MBD1: variants seen among roughly 807,000 people sequenced by gnomAD.
MBD1 encodes methyl-CpG binding domain protein 1.
A neutral mutation model predicts 82.6 loss-of-function variants in MBD1; 25 were observed. The observed-to-expected ratio is 0.30, with a 90% CI of 0.22 to 0.42. The LOEUF (loss-of-function observed/expected upper bound fraction) is 0.42. MBD1 is among the 10% of genes least tolerant of loss of function. The probability of loss-of-function intolerance (pLI) is 1.00; values close to 1 mark genes in which losing one functional copy is unlikely to be tolerated. For missense variants in MBD1, 627 were observed against 819.6 expected, an observed-to-expected ratio of 0.76 and a Z score of 2.87; for synonymous variants, 301 against 303.7, an observed-to-expected ratio of 0.99 and a Z score of 0.09.
At chr18:50,270,114 T>C (rs533416677) in intron 16 of MBD1, 4 of 1,598,344 alleles carry the variant, frequency 2.5e-6, no homozygotes, top group Non-Finnish European at 3.4e-6. Context: ...TATCAGTCTA[T>C]CCAGTCTTGA....
In MBD1 at chr18:50,268,901, G is replaced by T; in HGVS notation, c.*950C>A. ...TTTAAAATAGAACAGCTTAGAGATA[G>T]AAACTAAATTATTTCCAATTCCTAC... On this transcript the variant is annotated 3_prime_UTR_variant, in exon 17 of 17. Coordinates refer to ENST00000269468, the MANE Select transcript of MBD1 (RefSeq NM_015846.4). 1 of 984,164 alleles carries T rather than the reference G, an allele frequency of 1.0e-6. No individual in the cohort carries two copies. The highest frequency in any genetic ancestry group is 1.7e-5 in the African/African-American group (1 of 57,334). 61.0% of individuals were successfully genotyped at this position (984,164 alleles called of 1,614,324 possible).
downstream of MBD1, among the ~76,000 whole-genome samples, chr18:50,268,448 G>A (rs1450892349): frequency 1.3e-5 from 2 of 152,262 alleles, no homozygotes; most frequent in Non-Finnish European, 2.9e-5. Flanking sequence ...ACCACTATTT[G>A]AAGAGGGGGA....
At chr18:50,281,617 G>A (rs140915382), upstream of MBD1, 62 of 445,866 alleles carry the variant, frequency 1.4e-4, no homozygotes, top group East Asian at 1.2e-3. Context: ...TAATAGGGAG[G>A]CTCCCGCGCC....
At chr18:50,275,491 GT>G (rs2037473577) in intron 8 of MBD1, 108 bp downstream of exon 8, 2 of 1,600,636 alleles carry the variant, frequency 1.2e-6, no homozygotes, top group Admixed American at 3.5e-5. Context: ...CGAGCATAGG[GT>G]TAGGCAGAAA....
At chr18:50,267,718 G>T, downstream of MBD1, 2 of 1,202,280 alleles carry the variant, frequency 1.7e-6, no homozygotes, top group Non-Finnish European at 2.4e-6. Flanking sequence ...GTGGGGGTGA[G>T]CATAGAACAC....
At chr18:50,281,332 C>T in intron 1 of MBD1, 31 bp downstream of exon 1, 1 of 1,071,584 alleles carries the variant, frequency 9.3e-7, no homozygotes, top group Non-Finnish European at 1.4e-6. Context: ...CGCCTGAGCG[C>T]TCTCCACGTC....
At chr18:50,279,760 G>T in intron 2 of MBD1, 123 bp downstream of exon 2, 4 of 1,296,254 alleles carry the variant, frequency 3.1e-6, no homozygotes, top group South Asian at 1.3e-5. Flanking sequence ...CATAAAATCC[G>T]CTAATAAGGA....
downstream of MBD1, chr18:50,267,647 G>A: frequency 2.6e-6 from 4 of 1,536,088 alleles, no homozygotes; most frequent in Non-Finnish European, 3.5e-6. Context: ...TTCCAGTCAA[G>A]AGCAAGGTGG....
rs2034842720 is a variant in MBD1, at chr18:50,270,066, TG to T, written c.*33-249del. 5.6e-6 allele frequency: 9 copies of T among 1,597,564 alleles called. No individual in the cohort carries two copies. In the East Asian group the frequency reaches 2.0e-4, roughly 36 times the overall value. ...ATCATTGTCAAAATTACCAGAATACTGGGGTTGGGTGGTTGGTTCCTGGGGG... is the reference window on the plus strand; with the variant it reads ...ATCATTGTCAAAATTACCAGAATACTGGGTTGGGTGGTTGGTTCCTGGGGG... On this transcript the variant is annotated intron_variant, in intron 16 of 16. Coordinates refer to ENST00000269468, the MANE Select transcript of MBD1 (RefSeq NM_015846.4).
At chr18:50,278,736 G>A (rs1392914024) in intron 2 of MBD1, among the ~76,000 whole-genome samples, 3 of 152,220 alleles carry the variant, frequency 2.0e-5, no homozygotes, top group Admixed American at 2.0e-4. Flanking sequence ...AAGCTATCAT[G>A]AACATTGAAT....
chr18:50,276,705 G>A lies in MBD1; in HGVS notation c.432C>T (p.Gly144=). 2 of 1,614,222 alleles carry A rather than the reference G, an allele frequency of 1.2e-6. No homozygotes were observed. The highest frequency in any genetic ancestry group is 1.7e-6 in the Non-Finnish European group (2 of 1,180,042). The change falls in exon 5 of 17, where the codon GGC becomes GGT. Residue 144 remains glycine, a synonymous_variant. Coordinates refer to ENST00000269468, the MANE Select transcript of MBD1 (RefSeq NM_015846.4). ...ENCGISFSGD[G]TQRQRLKTLC... ...ACGTTTTGAGCCGCTGCCTTTGGGT[G>A]CCATCCCCTGAGAAGCTGATTCCAC...
In MBD1 at chr18:50,276,712, C is replaced by A; in HGVS notation, c.425G>T (p.Gly142Val). Residue 142 changes from glycine (G) to valine (V), a missense_variant, in exon 5 of 17, where the codon GGG becomes GTG. Coordinates refer to ENST00000269468, the MANE Select transcript of MBD1 (RefSeq NM_015846.4). ...CCENCGISFS[G>V]DGTQRQRLKT... ...GAGCCGCTGCCTTTGGGTGCCATCC[C>A]CTGAGAAGCTGATTCCACAGTTCTC... 2 of 1,614,186 alleles carry A rather than the reference C, an allele frequency of 1.2e-6. No homozygotes were observed. The highest frequency in any genetic ancestry group is 1.7e-6 in the Non-Finnish European group (2 of 1,180,050).
chr18:50,275,372 T>G, intron 8 of MBD1, 127 bp from the exon 9 acceptor site: 3 of 1,611,062 alleles, frequency 1.9e-6, no homozygotes, highest in Non-Finnish European at 2.5e-6. Flanking sequence ...GCACTCACAG[T>G]TGGGGGAGCC....
rs1275779904 is a variant in MBD1 at position 50,281,430 on chromosome 18, G to T, written c.-93C>A. ...TGGACCCATGGCGAGGGTCCCTCCT[G>T]CACCTCCCGCCTCGCCCTCCTCCCC... On this transcript the variant is annotated 5_prime_UTR_variant, in exon 1 of 17. Transcript: ENST00000269468. 5.0e-6 allele frequency: 3 copies of T among 600,358 alleles called. No homozygotes were observed. The allele number at this position is 600,358 out of a possible 1,614,324, so 37.2% of individuals were successfully genotyped here.
rs146452970 is a variant in MBD1, at chr18:50,281,294, T to G, written c.-26+69A>C. On this transcript the variant is annotated intron_variant, in intron 1 of 16. Transcript: ENST00000269468. Reference sequence around the variant, plus strand: ...GGCCCTTCATTCCTCCCCGTCAGCGTTCTGAGCCACAATTCCTTCCCATCC... The same window carrying G: ...GGCCCTTCATTCCTCCCCGTCAGCGGTCTGAGCCACAATTCCTTCCCATCC... 7.2e-3 allele frequency: 10,089 copies of G among 1,402,742 alleles called. 58 individuals carry two copies. Among genetic ancestry groups the G allele is most frequent in the Non-Finnish European group, 8.5e-3 (8,698 of 1,025,628 alleles). The allele number at this position is 1,402,742 out of a possible 1,614,324, so 86.9% of individuals were successfully genotyped here.
Position 50,273,759 on chromosome 18 carries a change from A to AAG in MBD1, c.1249_1250dup (p.Gly418LeufsTer5). The AAG allele has an allele frequency of 6.2e-7, 1 of 1,614,154 alleles. No homozygotes were observed. The highest frequency in any genetic ancestry group is 8.5e-7 in the Non-Finnish European group (1 of 1,180,044). On this transcript the variant is annotated frameshift_variant, in exon 12 of 17. Transcript: ENST00000269468. LOFTEE classifies it high-confidence loss of function. Reference sequence around the variant, plus strand: ...CCAAGGTGGGCTTCAAGGTAGGGCCAAGATGGTGCCGTCGGGCAGAGCTGG... The same window carrying AAG: ...CCAAGGTGGGCTTCAAGGTAGGGCCAAGAGATGGTGCCGTCGGGCAGAGCTGG...
chr18:50,280,398 A>G (rs1357561446), intron 1 of MBD1, among the ~76,000 whole-genome samples: 10 of 151,722 alleles, frequency 6.6e-5, no homozygotes, highest in African/African-American at 1.9e-4. Context: ...TATCACCCCA[A>G]GACCCCCATA....
chr18:50,277,979 C>T (rs1340093299), intron 2 of MBD1, among the ~76,000 whole-genome samples: 1 of 152,220 alleles, frequency 6.6e-6, no homozygotes, highest in Admixed American at 6.5e-5. Context: ...GTAATTCCCC[C>T]TCTCGTGCAG....
rs151335648 is a variant in MBD1, at chr18:50,272,759, T to C, written c.1717-21A>G. 808 of 1,614,076 alleles carry C rather than the reference T, an allele frequency of 5.0e-4. 13 individuals are homozygous for C. The East Asian group carries it at 0.017, about 33-fold the overall frequency. ...GTGATCTAGAGAAGAATTAACACCA[T>C]AGGTCAATGTGGTTGTTGGGGCTAC... On this transcript the variant is annotated intron_variant, in intron 14 of 16. Transcript: ENST00000269468.
Sources: gnomAD v4.1 joint callset for allele counts (sites outside exome capture counted in the v4.1 genomes callset) on GRCh38, gnomAD v4.1.1 for gene constraint, MANE v1.5 for transcripts, NCBI Gene and HGNC (gene_info 2026-07-23, HGNC 2026-07-21) for gene names.